The following AKNA variants were observed in gnomAD, a reference collection of about 807,000 sequenced individuals.
AKNA encodes microtubule organization protein AKNA.
AKNA carries 67 observed loss-of-function variants against 138.8 expected under a neutral mutation model. The ratio of observed to expected loss-of-function variants is 0.48; its 90% CI spans 0.40 to 0.59. The LOEUF is 0.59. Ranked by LOEUF, AKNA falls within the 20% of genes least tolerant of loss-of-function variation. The pLI is 0.00. For synonymous variants in AKNA, 737 were observed against 754.4 expected, an observed-to-expected ratio of 0.98 and a Z score of 0.38; for missense variants, 1,813 against 1,880.4, an observed-to-expected ratio of 0.96 and a Z score of 0.66.
Position 114,341,685 on chromosome 9 carries a change from A to T in AKNA, c.3915T>A (p.Thr1305=), listed in dbSNP as rs1830361103. 1.9e-6 allele frequency: 3 copies of T among 1,600,104 alleles called. No homozygotes were observed. The highest frequency in any genetic ancestry group is 2.6e-6 in the Non-Finnish European group (3 of 1,174,272). ...KATTRRKASS[T]PSPKQRSKQA... ...GCTTGCTCCTCTGCTTGGGGCTGGGAGTTGAAGATGCTTTTCTCCTCGTGG... is the reference window on the plus strand; with the variant it reads ...GCTTGCTCCTCTGCTTGGGGCTGGGTGTTGAAGATGCTTTTCTCCTCGTGG... Residue 1305 remains threonine (T), a synonymous_variant, in exon 21 of 22, where the codon ACT becomes ACA. Transcript: ENST00000374088.
At chr9:114,341,853 C>G in intron 20 of AKNA, 128 bp from the exon 21 acceptor site, 1 of 1,313,042 alleles carries the variant, frequency 7.6e-7, no homozygotes, top group Non-Finnish European at 1.1e-6. Flanking sequence ...GACTCCATGT[C>G]GGGGAGGTCT....
rs1355255241 is a variant in AKNA, at chr9:114,335,400, GC to G, written c.*1653del. Reference sequence around the variant, plus strand: ...AGGGTTAGCACATGGACTGTGTGAAGCAGACAATGCCCAGTGCTTAGCACCG... The same window carrying G: ...AGGGTTAGCACATGGACTGTGTGAAGAGACAATGCCCAGTGCTTAGCACCG... On this transcript the variant is annotated 3_prime_UTR_variant, in exon 22 of 22. Coordinates refer to ENST00000374088, the MANE Select transcript of AKNA (RefSeq NM_001317950.2). The G allele has an allele frequency of 6.6e-6, 1 of 152,248 alleles. No homozygotes were observed. Among genetic ancestry groups the G allele is most frequent in the Non-Finnish European group, 1.5e-5 (1 of 68,076 alleles). The allele number at this position is 152,248 out of a possible 1,614,324, so 9.4% of individuals were successfully genotyped here.
chr9:114,386,862 C>T (rs1250778814), intron 1 of AKNA, among the ~76,000 whole-genome samples: 1 of 152,112 alleles, frequency 6.6e-6, no homozygotes, highest in East Asian at 1.9e-4. Flanking sequence ...CCCAGGCTCT[C>T]CTTTGCCAGC....
In AKNA at chr9:114,342,059, C is replaced by T. The variant is rs373153565; in HGVS notation, c.3824G>A (p.Gly1275Asp). ...TGCCTCTGGGGGAGACCCAACTTGA[C>T]CACACAGGGGACACTGAAGGGTATC... ...PADTLQCPLC[G>D]QVGSPPEADG... Residue 1275 changes from glycine (G) to aspartate (D), a missense_variant, in exon 20 of 22, where the codon GGT becomes GAT. By Grantham distance (94) the Gly-to-Asp change is moderately conservative. Transcript: ENST00000374088. 24 of 1,613,896 alleles carry T rather than the reference C, an allele frequency of 1.5e-5. No individual in the cohort carries two copies. The African/African-American group carries it at 2.7e-4, about 18-fold the overall frequency.
chr9:114,340,802 C>T (rs1830289012), intron 21 of AKNA, among the ~76,000 whole-genome samples: 1 of 152,126 alleles, frequency 6.6e-6, no homozygotes, highest in African/African-American at 2.4e-5. Context: ...AAAAGTCCTA[C>T]AATATTCCCG....
intron 6 of AKNA, among the ~76,000 whole-genome samples, chr9:114,365,957 C>T (rs778919449): frequency 8.5e-5 from 13 of 152,102 alleles, no homozygotes; most frequent in African/African-American, 2.2e-4. Flanking sequence ...ACATATAGGA[C>T]GAAGAAGAAA....
At chr9:114,379,521 G>C (rs1833484077) in intron 2 of AKNA, among the ~76,000 whole-genome samples, 1 of 152,160 alleles carries the variant, frequency 6.6e-6, no homozygotes, top group African/African-American at 2.4e-5. Flanking sequence ...TGCCCACTTT[G>C]AGCAGATCAG....
intron 6 of AKNA, among the ~76,000 whole-genome samples, chr9:114,365,620 C>G (rs866953065): frequency 2.0e-5 from 3 of 151,982 alleles, no homozygotes; most frequent in Admixed American, 1.3e-4. Context: ...GCTACACCAT[C>G]TATAATTTTC....
chr9:114,395,600 T>C (rs554453368), upstream of AKNA, among the ~76,000 whole-genome samples: 17 of 151,948 alleles, frequency 1.1e-4, no homozygotes, highest in Admixed American at 7.2e-4. Flanking sequence ...TCGCATACTT[T>C]AGGGGAGCTG....
At chr9:114,362,656 G>A (rs1832066598) in intron 7 of AKNA, 123 bp from the exon 8 acceptor site, 1 of 1,297,736 alleles carries the variant, frequency 7.7e-7, no homozygotes, top group Non-Finnish European at 1.0e-6. Flanking sequence ...CTGGGTTCAT[G>A]CAAGATACAG....
At chr9:114,364,772 C>T (rs1832222668) in intron 6 of AKNA, among the ~76,000 whole-genome samples, 153 bp from the exon 7 acceptor site, 1 of 152,198 alleles carries the variant, frequency 6.6e-6, no homozygotes, top group Admixed American at 6.5e-5. Context: ...CTGGGAACAG[C>T]TTCTACCACC....
At chr9:114,337,791 G>GTAATAA (rs35676827) in intron 21 of AKNA, among the ~76,000 whole-genome samples, 4 of 151,326 alleles carry the variant, frequency 2.6e-5, no homozygotes, top group African/African-American at 7.3e-5. Flanking sequence ...ATTAATAATA[G>GTAATAA]TAATAATAAT....
rs1308131410 is a variant in AKNA, at chr9:114,362,454, T to C, written c.1868A>G (p.Gln623Arg). The C allele has an allele frequency of 6.2e-6, 10 of 1,613,122 alleles. No homozygotes were observed. The highest frequency in any genetic ancestry group is 4.0e-5 in the African/African-American group (3 of 75,032). ...CGTCCCCTTGGAGCCGGCAAGCGGC[T>C]GGGCAGGGTGTTGCTCCCGACAAGC... The part of the protein sequence containing the change: ...LKACREQHPA[Q>R]PLAGSKGTPG... Residue 623 changes from glutamine (Q) to arginine (R), a missense_variant, in exon 8 of 22, where the codon CAG becomes CGG. Gln to Arg is a conservative substitution (Grantham distance 43). Transcript: ENST00000374088.
Position 114,337,314 on chromosome 9 carries a change from G to A in AKNA, c.4068-8C>T. ...CCTGCAGGCGCATAGTACCTGAGGA[G>A]AGAAGTGAGTGGGCTCGTTACACAT... On this transcript the variant is annotated splice_polypyrimidine_tract_variant and splice_region_variant and intron_variant, in intron 21 of 21. Transcript: ENST00000374088. 1.4e-6 allele frequency: 2 copies of A among 1,445,202 alleles called. No homozygotes were observed. Among genetic ancestry groups the A allele is most frequent in the Non-Finnish European group, 1.8e-6 (2 of 1,086,592 alleles). The allele number at this position is 1,445,202 out of a possible 1,614,324, so 89.5% of individuals were successfully genotyped here. A position where few individuals can be genotyped will look rare whatever the true frequency, so the allele number is the denominator to read the frequency against.
intron 2 of AKNA, among the ~76,000 whole-genome samples, chr9:114,379,953 C>T (rs1325377489): frequency 3.9e-5 from 6 of 152,100 alleles, no homozygotes; most frequent in Non-Finnish European, 8.8e-5. Flanking sequence ...GAGTTTGAGA[C>T]CAGCCTGGGC....
intron 4 of AKNA, among the ~76,000 whole-genome samples, chr9:114,371,153 G>A (rs930589722): frequency 1.3e-5 from 2 of 152,132 alleles, no homozygotes; most frequent in Admixed American, 6.5e-5. Flanking sequence ...GGGCTCCCTG[G>A]TCCTGCCCCA....
intron 4 of AKNA, among the ~76,000 whole-genome samples, chr9:114,368,999 AATATACC>A (rs1472907729): frequency 6.6e-6 from 1 of 152,234 alleles, no homozygotes; most frequent in Non-Finnish European, 1.5e-5. Context: ...TATCATAATT[AATATACC>A]ATATAACATA....
In AKNA at chr9:114,343,078, C is replaced by T. The variant is rs192135819; in HGVS notation, c.3757+630G>A. On this transcript the variant is annotated intron_variant, in intron 19 of 21. Coordinates refer to ENST00000374088, the MANE Select transcript of AKNA (RefSeq NM_001317950.2). Reference sequence around the variant, plus strand: ...TTGGTGTCCTTGTCTATAAAATGGACGTAATAGTACTGCAGTACTTAGTTC... The same window carrying T: ...TTGGTGTCCTTGTCTATAAAATGGATGTAATAGTACTGCAGTACTTAGTTC... Among the ~76,000 whole-genome samples, 9 of 152,310 alleles carry T rather than the reference C, an allele frequency of 5.9e-5. No homozygotes were observed. In the East Asian group the frequency reaches 9.6e-4, roughly 16 times the overall value.
chr9:114,351,926 T>C (rs73551517), intron 14 of AKNA, among the ~76,000 whole-genome samples: 129 of 152,322 alleles, frequency 8.5e-4, no homozygotes, highest in African/African-American at 3.0e-3. Context: ...ATACACAGAA[T>C]AATCTAGATA....
Sources: gnomAD v4.1 joint callset for allele counts (sites outside exome capture counted in the v4.1 genomes callset) on GRCh38, gnomAD v4.1.1 for gene constraint, MANE v1.5 for transcripts, NCBI Gene and HGNC (gene_info 2026-07-23, HGNC 2026-07-21) for gene names.